The following CTNNA2 variants were observed in gnomAD, a reference collection of about 807,000 sequenced individuals.
CTNNA2 encodes catenin alpha-2.
A neutral mutation model predicts 101.0 loss-of-function variants in CTNNA2; 42 were observed. That is an observed-to-expected ratio of 0.42 (90% CI 0.32 to 0.54). CTNNA2 has a LOEUF of 0.54. Ranked by LOEUF, CTNNA2 falls within the 20% of genes least tolerant of loss-of-function variation. CTNNA2 has a pLI of 0.14. For missense variants in CTNNA2, 871 were observed against 1,223.1 expected (o/e 0.71, Z 4.29); for synonymous variants, 450 against 456.4 (o/e 0.99, Z 0.18).
chr2:79,441,705 T>C (rs1678779767), intron 4 of CTNNA2, among the ~76,000 whole-genome samples: 1 of 152,190 alleles, frequency 6.6e-6, no homozygotes, highest in Non-Finnish European at 1.5e-5. Flanking sequence ...TTTTAAAATG[T>C]ATATGAGATG....
intron 2 of CTNNA2, among the ~76,000 whole-genome samples, chr2:79,712,301 G>A (rs1222216732): frequency 6.6e-6 from 1 of 152,140 alleles, no homozygotes; most frequent in Admixed American, 6.5e-5. Flanking sequence ...AAAACCCTTT[G>A]CTTCCTTGGA....
At chr2:80,079,793 A>G (rs915278427) in intron 7 of CTNNA2, among the ~76,000 whole-genome samples, 33 of 145,996 alleles carry the variant, frequency 2.3e-4, no homozygotes, top group African/African-American at 8.3e-4. Flanking sequence ...CAGCCTGGCG[A>G]CAGAGGGAGA....
chr2:79,294,015 C>T (rs1675901838), intron 2 of CTNNA2, among the ~76,000 whole-genome samples: 1 of 152,006 alleles, frequency 6.6e-6, no homozygotes, highest in African/African-American at 2.4e-5. Context: ...TCTTAGTCCG[C>T]TTGGTCTGCC....
At chr2:80,079,498 C>T (rs1361127832) in intron 7 of CTNNA2, among the ~76,000 whole-genome samples, 2 of 152,174 alleles carry the variant, frequency 1.3e-5, no homozygotes, top group African/African-American at 4.8e-5. Flanking sequence ...CCTCTAGGAG[C>T]TCCAGGACAC....
intron 7 of CTNNA2, among the ~76,000 whole-genome samples, chr2:80,137,085 G>A (rs546391416): frequency 1.3e-5 from 2 of 152,306 alleles, no homozygotes; most frequent in East Asian, 1.9e-4. Flanking sequence ...AGAAATAAAA[G>A]ATATGTCTCT....
chr2:79,480,749 C>G (rs561473303), intron 4 of CTNNA2, among the ~76,000 whole-genome samples: 5 of 152,178 alleles, frequency 3.3e-5, no homozygotes, highest in African/African-American at 1.2e-4. Context: ...CGATTTTTTT[C>G]TTTTCCATGA....
chr2:80,267,364 G>T (rs139873911), intron 7 of CTNNA2, among the ~76,000 whole-genome samples: 2 of 152,208 alleles, frequency 1.3e-5, no homozygotes, highest in South Asian at 2.1e-4. Context: ...AAAAGAAAGG[G>T]TTGAGAAAGA....
chr2:80,395,504 C>T (rs544598367), intron 8 of CTNNA2, among the ~76,000 whole-genome samples: 1 of 152,188 alleles, frequency 6.6e-6, no homozygotes, highest in South Asian at 2.1e-4. Flanking sequence ...TCCCCATGTA[C>T]ACCTGTAGTG....
intron 15 of CTNNA2, among the ~76,000 whole-genome samples, chr2:80,596,000 G>T (rs1023412362): frequency 6.6e-6 from 1 of 152,074 alleles, no homozygotes; most frequent in African/African-American, 2.4e-5. Flanking sequence ...CATGAGCATG[G>T]AATGTTTTTC....
chr2:79,866,992 C>A (rs920141783), intron 4 of CTNNA2, among the ~76,000 whole-genome samples: 1 of 152,134 alleles, frequency 6.6e-6, no homozygotes, highest in African/African-American at 2.4e-5. Flanking sequence ...GACCTCATAG[C>A]CCTCCTCACA....
intron 6 of CTNNA2, among the ~76,000 whole-genome samples, chr2:79,909,065 A>G (rs1685612233): frequency 6.6e-6 from 1 of 152,240 alleles, no homozygotes; most frequent in Non-Finnish European, 1.5e-5. Context: ...CTAGAACACT[A>G]GCATAAATTA....
intron 9 of CTNNA2, among the ~76,000 whole-genome samples, chr2:80,452,229 A>C (rs1244881869): frequency 7.5e-5 from 11 of 147,130 alleles, no homozygotes; most frequent in Non-Finnish European, 1.3e-4. Context: ...AGGTTTATTT[A>C]ACTTCAGAGC....
chr2:79,773,132 C>T (rs1225283895), intron 3 of CTNNA2, among the ~76,000 whole-genome samples: 1 of 152,132 alleles, frequency 6.6e-6, no homozygotes, highest in African/African-American at 2.4e-5. Flanking sequence ...TTGGAGTGAA[C>T]AGCCATAACC....
intron 4 of CTNNA2, among the ~76,000 whole-genome samples, chr2:79,383,519 G>A (rs1276677846): frequency 6.6e-6 from 1 of 152,114 alleles, no homozygotes; most frequent in African/African-American, 2.4e-5. Context: ...AGAGAGCTAA[G>A]GCAGTAAGAA....
chr2:79,465,558 T>C (rs1281972056), intron 4 of CTNNA2, among the ~76,000 whole-genome samples: 3 of 152,218 alleles, frequency 2.0e-5, no homozygotes, highest in Non-Finnish European at 4.4e-5. Flanking sequence ...ATTGAATCTA[T>C]AAATTACCTT....
intron 2 of CTNNA2, among the ~76,000 whole-genome samples, chr2:79,672,261 T>G (rs1455596931): frequency 6.6e-6 from 1 of 152,182 alleles, no homozygotes; most frequent in Non-Finnish European, 1.5e-5. Context: ...CTGTTAGCCC[T>G]GGCATCATGA....
intron 7 of CTNNA2, among the ~76,000 whole-genome samples, chr2:80,234,007 C>A (rs534002880): frequency 6.6e-6 from 1 of 152,028 alleles, no homozygotes; most frequent in African/African-American, 2.4e-5. Context: ...TACAATCTTC[C>A]TGCACCCTCA....
At chr2:80,041,902 A>G (rs903170410) in intron 7 of CTNNA2, among the ~76,000 whole-genome samples, 1 of 152,152 alleles carries the variant, frequency 6.6e-6, no homozygotes, top group Non-Finnish European at 1.5e-5. Context: ...AGGTTCTCTC[A>G]TGGGTTCAAA....
intron 15 of CTNNA2, among the ~76,000 whole-genome samples, chr2:80,596,598 C>A (rs150959462): frequency 3.3e-5 from 5 of 151,854 alleles, no homozygotes; most frequent in African/African-American, 1.2e-4. Context: ...AGGCCTGAGC[C>A]ACCGCACCAG....
Sources: gnomAD v4.1 joint callset for allele counts (sites outside exome capture counted in the v4.1 genomes callset) on GRCh38, gnomAD v4.1.1 for gene constraint, MANE v1.5 for transcripts, NCBI Gene and HGNC (gene_info 2026-07-23, HGNC 2026-07-21) for gene names.